Variants in HERC2 observed in about 807,000 individuals in gnomAD.
HERC2 encodes the protein HECT and RLD domain containing E3 ubiquitin protein ligase 2, also known as E3 ubiquitin-protein ligase HERC2.
A neutral mutation model predicts 537.7 loss-of-function variants in HERC2; 102 were observed. The observed-to-expected ratio is 0.19, with a 90% CI of 0.16 to 0.22. HERC2 has a LOEUF of 0.22. HERC2 is among the 10% of genes least tolerant of loss of function. The pLI is 1.00. For synonymous variants in HERC2, 2,224 were observed against 2,466.2 expected (o/e 0.90, Z 2.91); for missense variants, 4,236 against 6,198.2 (o/e 0.68, Z 10.63).
rs756498889 is a variant in HERC2, at chr15:28,256,191, C to T, written c.2644G>A (p.Val882Met). 4.4e-6 allele frequency: 7 copies of T among 1,601,072 alleles called. No individual in the cohort carries two copies. Among genetic ancestry groups the T allele is most frequent in the African/African-American group, 4.0e-5 (3 of 74,904 alleles). Reference protein sequence around the residue: ...LASSAGVLSTVQSAAQAVLQS... With the variant: ...LASSAGVLSTMQSAAQAVLQS... ...AGCACGGCCTGGGCGGCCGACTGCA[C>T]GGTGCTCAGCACGCCCGCACTGCTG... Residue 882 changes from valine (V) to methionine (M), a missense_variant, in exon 18 of 93, where the codon GTG (valine) becomes ATG (methionine). Physicochemically the swap from Val to Met is conservative, Grantham distance 21. Around this residue, in one of 27 missense-constraint regions of HERC2, gnomAD observed 754 missense variants for 1,085.0 expected, o/e 0.69. Transcript: ENST00000261609.
chr15:28,185,246 A>G (rs1378022106), intron 56 of HERC2, among the ~76,000 whole-genome samples: 1 of 152,004 alleles, frequency 6.6e-6, no homozygotes, highest in South Asian at 2.1e-4. Context: ...AACGTGCTCA[A>G]CAGCGGCACA....
At chr15:28,316,680 T>C (rs2077095225) in intron 2 of HERC2, among the ~76,000 whole-genome samples, 1 of 152,208 alleles carries the variant, frequency 6.6e-6, no homozygotes, top group South Asian at 2.1e-4. Context: ...TACAAATTCT[T>C]TTATTTCTAC....
intron 68 of HERC2, among the ~76,000 whole-genome samples, chr15:28,165,764 T>C (rs1470340726): frequency 3.3e-5 from 5 of 152,026 alleles, no homozygotes; most frequent in African/African-American, 1.2e-4. Flanking sequence ...CGTGCCACTC[T>C]ACTGCAGCCT....
At chr15:28,242,178 T>G (rs1047203867) in intron 23 of HERC2, among the ~76,000 whole-genome samples, 1 of 152,208 alleles carries the variant, frequency 6.6e-6, no homozygotes, top group African/African-American at 2.4e-5. Context: ...TGGTGTTTAA[T>G]AGATGCATAG....
At chr15:28,218,455 T>C (rs774647836) in intron 38 of HERC2, 34 bp downstream of exon 38, 49 of 1,551,128 alleles carry the variant, frequency 3.2e-5, no homozygotes, top group Non-Finnish European at 4.2e-5. Context: ...CCCCCAGCGC[T>C]GACTCCCTGG....
intron 14 of HERC2, among the ~76,000 whole-genome samples, chr15:28,264,709 C>G (rs2075514332): frequency 1.8e-4 from 28 of 152,174 alleles, no homozygotes; most frequent in Admixed American, 1.7e-3. Flanking sequence ...GGCTAATCTC[C>G]TAACACAGCT....
At chr15:28,173,886 G>C (rs190805880) in intron 65 of HERC2, among the ~76,000 whole-genome samples, 1 of 151,932 alleles carries the variant, frequency 6.6e-6, no homozygotes, top group African/African-American at 2.4e-5. Context: ...TGGTGCATAC[G>C]GCAGGAAGGA....
intron 5 of HERC2, among the ~76,000 whole-genome samples, chr15:28,276,269 C>A (rs1008286899): frequency 6.8e-6 from 1 of 147,528 alleles, no homozygotes; most frequent in African/African-American, 2.5e-5. Context: ...ATAAAAATGG[C>A]AATGAAGAAC....
At chr15:28,232,474 G>T (rs1232665573) in intron 30 of HERC2, among the ~76,000 whole-genome samples, 1 of 151,934 alleles carries the variant, frequency 6.6e-6, no homozygotes, top group Non-Finnish European at 1.5e-5. Flanking sequence ...GTTTGAACCT[G>T]GGAGGCGGAG....
At chr15:28,116,597 T>C (rs889272692) in intron 88 of HERC2, 68 bp downstream of exon 88, 13 of 1,361,668 alleles carry the variant, frequency 9.5e-6, no homozygotes, top group Admixed American at 6.3e-5. Context: ...CTCAAACAGA[T>C]AGTACATTTT....
At chr15:28,285,117 C>G (rs2076122537) in intron 4 of HERC2, among the ~76,000 whole-genome samples, 1 of 151,954 alleles carries the variant, frequency 6.6e-6, no homozygotes, top group South Asian at 2.1e-4. Flanking sequence ...ACCTCAAAGT[C>G]TCTCTCTACA....
rs773114818 is a variant in HERC2 at position 28,246,841 on chromosome 15, T to C, written c.3292A>G (p.Thr1098Ala). Residue 1098 changes from threonine (T) to alanine (A), a missense_variant, in exon 22 of 93, where the codon ACG becomes GCG. Transcript: ENST00000261609. The stretch of plus-strand genomic sequence containing the variant: ...ACAGGCAGTATATCTCCAATGTGCG[T>C]GCACAGGAGGGCTGTGTACTTCTTC... Reference protein sequence around the residue: ...LLKKYTALLCTHIGDILPVAA... With the variant: ...LLKKYTALLCAHIGDILPVAA... 22 of 1,612,012 alleles carry C rather than the reference T, an allele frequency of 1.4e-5. No individual in the cohort carries two copies. In the East Asian group the frequency reaches 4.7e-4, roughly 34 times the overall value.
chr15:28,257,364 C>G lies in HERC2; in HGVS notation c.2317-103G>C, dbSNP rs557123688. On this transcript the variant is annotated intron_variant, in intron 16 of 92. Coordinates refer to ENST00000261609, the MANE Select transcript of HERC2 (RefSeq NM_004667.6). ...GTGATGGAGCTGCCTTATACTATTA[C>G]CTATCATCCCTCGAACTGCCCAGTC... 7.1e-4 allele frequency: 644 copies of G among 907,228 alleles called. 9 individuals are homozygous for G. In the South Asian group the frequency reaches 0.01, roughly 14 times the overall value. 56.2% of individuals were successfully genotyped at this position (907,228 alleles called of 1,614,324 possible). A position where few individuals can be genotyped will look rare whatever the true frequency, so the allele number is the denominator to read the frequency against.
In HERC2 at chr15:28,213,981, G is replaced by A; in HGVS notation, c.6556-9C>T. 2 of 1,612,574 alleles carry A rather than the reference G, an allele frequency of 1.2e-6. No homozygotes were observed. Among genetic ancestry groups the A allele is most frequent in the Non-Finnish European group, 1.7e-6 (2 of 1,178,614 alleles). ...TAGTCCTCTAACTGGGCCTAGTGCA[G>A]ACCAAACAGCGAGCTCGACAGAGAC... On this transcript the variant is annotated splice_polypyrimidine_tract_variant and intron_variant, in intron 41 of 92. Coordinates refer to ENST00000261609, the MANE Select transcript of HERC2 (RefSeq NM_004667.6).
Position 28,191,235 on chromosome 15 carries a change from G to C in HERC2, c.8461C>G (p.Arg2821Gly). 1 of 1,610,210 alleles carries C rather than the reference G, an allele frequency of 6.2e-7. No individual in the cohort carries two copies. Among genetic ancestry groups the C allele is most frequent in the Non-Finnish European group, 8.5e-7 (1 of 1,177,890 alleles). The change falls in exon 54 of 93, where the codon CGT becomes GGT. Residue 2821 changes from arginine (R) to glycine (G), a missense_variant. By Grantham distance (125) the Arg-to-Gly change is moderately radical. Transcript: ENST00000261609. ...SSGSQGKHWI[R>G]LEIFPDVLVH... Reference sequence around the variant, plus strand: ...AGAACATCTGGGAAAATCTCCAAACGAATCCAGTGCTTTAGAAAAACAAAA... The same window carrying C: ...AGAACATCTGGGAAAATCTCCAAACCAATCCAGTGCTTTAGAAAAACAAAA...
chr15:28,181,056 T>C (rs1051619881), intron 57 of HERC2, among the ~76,000 whole-genome samples: 7 of 152,208 alleles, frequency 4.6e-5, no homozygotes, highest in Non-Finnish European at 7.3e-5. Flanking sequence ...TTTCAAGTCA[T>C]GTCCTGCTCA....
intron 4 of HERC2, among the ~76,000 whole-genome samples, chr15:28,281,145 G>C (rs1191386908): frequency 1.3e-5 from 2 of 152,030 alleles, no homozygotes; most frequent in African/African-American, 4.8e-5. Context: ...ATTCTAACTA[G>C]TGAGTAAGTG....
At chr15:28,232,336 A>G (rs571170336) in intron 30 of HERC2, among the ~76,000 whole-genome samples, 2 of 152,174 alleles carry the variant, frequency 1.3e-5, no homozygotes, top group Admixed American at 1.3e-4. Flanking sequence ...AGGTCAGGAG[A>G]TCAAGACCAT....
chr15:28,250,234 G>T (rs1261858866), intron 20 of HERC2, among the ~76,000 whole-genome samples: 1 of 152,154 alleles, frequency 6.6e-6, no homozygotes, highest in Non-Finnish European at 1.5e-5. Flanking sequence ...GACAGAAGCA[G>T]GAGACAGAGG....
Sources: allele counts gnomAD v4.1 joint callset (sites outside exome capture counted in the v4.1 genomes callset), GRCh38; gene constraint gnomAD v4.1.1; regional missense constraint gnomAD v4.1.1; transcripts MANE v1.5; gene names NCBI Gene and HGNC (gene_info 2026-07-23, HGNC 2026-07-21).